The following NCKAP5 variants were observed in gnomAD, a reference collection of about 807,000 sequenced individuals.
NCKAP5 encodes the protein nck-associated protein 5.
Under a neutral mutation model 167.0 loss-of-function variants are expected in NCKAP5, and 92 were observed. The ratio of observed to expected loss-of-function variants is 0.55; its 90% CI spans 0.47 to 0.66. The LOEUF (loss-of-function observed/expected upper bound fraction) is 0.66. Among genes scored for constraint, NCKAP5 ranks in the 30% least tolerant of loss-of-function variants. NCKAP5 has a pLI of 0.00. For missense variants in NCKAP5, 2,378 were observed against 2,315.0 expected (o/e 1.03, Z -0.56); for synonymous variants, 891 against 877.4 (o/e 1.02, Z -0.27).
chr2:133,333,764 G>C (rs1411786992), intron 3 of NCKAP5: 2 of 152,176 alleles, frequency 1.3e-5, no homozygotes, highest in African/African-American at 4.8e-5. Context: ...TATTGATTTT[G>C]CTCCCCTACA....
rs1378499585 is a variant in NCKAP5 at position 132,783,907 on chromosome 2, TG to T, written c.2903del (p.Pro968HisfsTer7). On this transcript the variant is annotated frameshift_variant, in exon 14 of 20. Transcript: ENST00000409261. LOFTEE classifies it high-confidence loss of function. ...TTCCTTTCAGCAGCGGGGATTTGAA[TG>T]GGGTCCTTGCTGTTTCACTGGGGAC... is the stretch of plus-strand genomic sequence containing the variant. Reference protein sequence around the residue: ...TRVPSETARTPFKSPLLKGIS... With the variant: ...TRVPSETARTXFKSPLLKGIS... 6.4e-7 allele frequency: 1 copy of T among 1,551,852 alleles called. No homozygotes were observed. Among genetic ancestry groups the T allele is most frequent in the Non-Finnish European group, 8.7e-7 (1 of 1,154,170 alleles).
At chr2:133,209,053 T>C (rs1313932321) in intron 5 of NCKAP5, among the ~76,000 whole-genome samples, 1 of 135,448 alleles carries the variant, frequency 7.4e-6, no homozygotes, top group African/African-American at 2.8e-5. Context: ...AATAATTCCA[T>C]CTGAAATTTG....
At chr2:133,190,497 T>A (rs2085165178) in intron 5 of NCKAP5, among the ~76,000 whole-genome samples, 1 of 152,168 alleles carries the variant, frequency 6.6e-6, no homozygotes, top group Admixed American at 6.5e-5. Context: ...GCTGGAGGCA[T>A]CACTCTACCC....
At chr2:133,454,737 G>C (rs576485942) in intron 3 of NCKAP5, among the ~76,000 whole-genome samples, 1 of 151,904 alleles carries the variant, frequency 6.6e-6, no homozygotes, top group Non-Finnish European at 1.5e-5. Flanking sequence ...CAGGTTGTAC[G>C]GGCCTACATA....
At chr2:132,790,482 T>G (rs1190023956) in intron 12 of NCKAP5, among the ~76,000 whole-genome samples, 1 of 152,136 alleles carries the variant, frequency 6.6e-6, no homozygotes, top group Non-Finnish European at 1.5e-5. Flanking sequence ...CTGTTGAATA[T>G]CTCATGTAAT....
chr2:133,103,157 T>G (rs2149686758), intron 6 of NCKAP5, among the ~76,000 whole-genome samples: 1 of 152,358 alleles, frequency 6.6e-6, no homozygotes, highest in East Asian at 1.9e-4. Context: ...TATGTTTTCC[T>G]TCCATCACTT....
chr2:133,537,134 C>A lies in NCKAP5; in HGVS notation c.-61-19547G>T, dbSNP rs1012909612. Among the ~76,000 whole-genome samples, 8 of 152,020 alleles carry A rather than the reference C, an allele frequency of 5.3e-5. No individual in the cohort carries two copies. The South Asian group carries it at 6.2e-4, about 12-fold the overall frequency. ...AAGTGAGAGAATTCATTTCTGCACTCTTAATTCTCTACCTGTGATGTATAT... is the reference window on the plus strand; with the variant it reads ...AAGTGAGAGAATTCATTTCTGCACTATTAATTCTCTACCTGTGATGTATAT... On this transcript the variant is annotated intron_variant, in intron 2 of 19. Transcript: ENST00000409261.
chr2:133,331,129 T>A (rs1302506724), intron 3 of NCKAP5, among the ~76,000 whole-genome samples: 1 of 152,218 alleles, frequency 6.6e-6, no homozygotes, highest in Non-Finnish European at 1.5e-5. Context: ...TGTCGTTGAC[T>A]GATACAGAAT....
the NCKAP5 span, among the ~76,000 whole-genome samples, chr2:133,617,072 T>G: frequency 6.6e-6 from 1 of 152,210 alleles, no homozygotes. Flanking sequence ...TCTCAATAGA[T>G]GCAGAAAAAG....
intron 3 of NCKAP5, among the ~76,000 whole-genome samples, chr2:133,380,918 T>A (rs1686474752): frequency 6.6e-6 from 1 of 152,124 alleles, no homozygotes; most frequent in Non-Finnish European, 1.5e-5. Context: ...AAGTAGACAT[T>A]TTACATATAC....
At chr2:133,648,101 G>C in the NCKAP5 span, among the ~76,000 whole-genome samples, 1 of 152,116 alleles carries the variant, frequency 6.6e-6, no homozygotes, top group African/African-American at 2.4e-5. Context: ...ATTTATATAA[G>C]TCAAAATGGA....
chr2:132,809,907 T>C (rs1685729168), intron 11 of NCKAP5, among the ~76,000 whole-genome samples: 1 of 152,226 alleles, frequency 6.6e-6, no homozygotes, highest in African/African-American at 2.4e-5. Flanking sequence ...CAAGAGGTTC[T>C]GTTTTGATGA....
intron 8 of NCKAP5, among the ~76,000 whole-genome samples, chr2:132,958,601 T>A (rs1253281859): frequency 2.0e-5 from 3 of 152,168 alleles, no homozygotes; most frequent in Non-Finnish European, 4.4e-5. Flanking sequence ...CTCTGTGAAC[T>A]CATCTTCTTC....
At chr2:132,904,448 T>C (rs559481820) in intron 8 of NCKAP5, among the ~76,000 whole-genome samples, 1 of 152,248 alleles carries the variant, frequency 6.6e-6, no homozygotes, top group East Asian at 1.9e-4. Context: ...TAACCATTTC[T>C]CATGTTTGCT....
chr2:133,037,527 C>T (rs2079077293), intron 6 of NCKAP5, among the ~76,000 whole-genome samples: 1 of 152,040 alleles, frequency 6.6e-6, no homozygotes, highest in African/African-American at 2.4e-5. Flanking sequence ...GACAAAGGTG[C>T]TAAGAACATA....
chr2:133,566,603 G>A (rs532620194), intron 1 of NCKAP5, among the ~76,000 whole-genome samples: 3 of 152,304 alleles, frequency 2.0e-5, no homozygotes, highest in African/African-American at 7.2e-5. Flanking sequence ...TAGGAACCGC[G>A]TGTGGGTCCC....
intron 4 of NCKAP5, among the ~76,000 whole-genome samples, chr2:133,250,795 T>C (rs537741236): frequency 6.6e-6 from 1 of 152,156 alleles, no homozygotes; most frequent in Admixed American, 6.5e-5. Context: ...TTGTGCATGA[T>C]GGCACAAACC....
chr2:133,212,063 G>A (rs1385315357), intron 5 of NCKAP5, among the ~76,000 whole-genome samples: 4 of 152,092 alleles, frequency 2.6e-5, no homozygotes, highest in South Asian at 4.1e-4. Context: ...AACTTCACAC[G>A]GGCAAATGCT....
chr2:132,930,819 G>A (rs891654679), intron 8 of NCKAP5: 3 of 152,114 alleles, frequency 2.0e-5, no homozygotes, highest in African/African-American at 4.8e-5. Flanking sequence ...ATGATGCTGC[G>A]GATACAAACA....
Sources: gnomAD v4.1 joint callset for allele counts (sites outside exome capture counted in the v4.1 genomes callset) on GRCh38, gnomAD v4.1.1 for gene constraint, MANE v1.5 for transcripts, NCBI Gene and HGNC (gene_info 2026-07-23, HGNC 2026-07-21) for gene names.